Variants in CACNA1D observed in about 807,000 individuals in gnomAD.
The protein encoded by CACNA1D is voltage-dependent L-type calcium channel subunit alpha-1D.
In CACNA1D, 55 loss-of-function variants were observed where a neutral mutation model predicts 257.1. The observed-to-expected ratio is 0.21, with a 90% CI of 0.17 to 0.27. The LOEUF (loss-of-function observed/expected upper bound fraction) is 0.27. CACNA1D is among the 10% of genes least tolerant of loss of function. CACNA1D has a pLI of 1.00. For missense variants in CACNA1D, 1,876 were observed against 2,784.0 expected, an observed-to-expected ratio of 0.67 and a Z score of 7.34; for synonymous variants, 980 against 1,014.9, an observed-to-expected ratio of 0.97 and a Z score of 0.65.
intron 3 of CACNA1D, among the ~76,000 whole-genome samples, chr3:53,645,788 AGT>A (rs1455058859): frequency 1.3e-5 from 2 of 152,180 alleles, no homozygotes; most frequent in Non-Finnish European, 2.9e-5. Flanking sequence ...TTGCTGAGAA[AGT>A]GTCATTTAAG....
intron 9 of CACNA1D, among the ~76,000 whole-genome samples, chr3:53,710,650 AG>A (rs2094743635): frequency 6.6e-6 from 1 of 152,212 alleles, no homozygotes; most frequent in Non-Finnish European, 1.5e-5. Context: ...GCCCTTACCA[AG>A]ATAGCATTGC....
At chr3:53,555,038 T>C (rs1384258645) in intron 3 of CACNA1D, among the ~76,000 whole-genome samples, 1 of 152,240 alleles carries the variant, frequency 6.6e-6, no homozygotes, top group Non-Finnish European at 1.5e-5. Context: ...TTAAAGAGAA[T>C]ATAATGAAAT....
intron 3 of CACNA1D, among the ~76,000 whole-genome samples, chr3:53,542,969 T>C (rs997313256): frequency 6.6e-6 from 1 of 151,642 alleles, no homozygotes; most frequent in Non-Finnish European, 1.5e-5. Flanking sequence ...GGAGAATCGC[T>C]TGAACCCGGG....
chr3:53,706,474 T>G (rs1230317959), intron 9 of CACNA1D, among the ~76,000 whole-genome samples: 1 of 152,204 alleles, frequency 6.6e-6, no homozygotes, highest in South Asian at 2.1e-4. Context: ...GACCCCACTT[T>G]CCTTGTCTGC....
At chr3:53,740,567 G>GT (rs376943396) in intron 21 of CACNA1D, 6,135 of 362,782 alleles carry the variant, frequency 0.017, 8 homozygotes, top group Admixed American at 0.033. Flanking sequence ...TTTTTTATGG[G>GT]TTTTTTTTTT....
chr3:53,611,199 C>T (rs369121466), intron 3 of CACNA1D, among the ~76,000 whole-genome samples: 24 of 152,206 alleles, frequency 1.6e-4, no homozygotes, highest in African/African-American at 5.5e-4. Flanking sequence ...GCACAGGCAA[C>T]GTAGCAAGAC....
intron 9 of CACNA1D, among the ~76,000 whole-genome samples, chr3:53,707,561 T>A (rs1301668589): frequency 6.6e-6 from 1 of 152,228 alleles, no homozygotes; most frequent in African/African-American, 2.4e-5. Context: ...ATTAACTGAA[T>A]GGACAAAATT....
At chr3:53,694,137 G>T (rs1406135513) in intron 8 of CACNA1D, among the ~76,000 whole-genome samples, 2 of 152,210 alleles carry the variant, frequency 1.3e-5, no homozygotes, top group African/African-American at 4.8e-5. Flanking sequence ...GGGTCCAGGA[G>T]ATCAGGATGT....
At position 53,811,089 on chromosome 3, in the gene CACNA1D, C is replaced by T; in HGVS notation, c.6193-24C>T. On this transcript the variant is annotated intron_variant, in intron 47 of 47. Coordinates refer to ENST00000350061, the MANE Select transcript of CACNA1D (RefSeq NM_001128840.3). The surrounding 1 kb of genome is among the most constrained non-coding windows in gnomAD (Gnocchi z 4.2). ...GCAAAGCCTTATAACACCCCCATGC[C>T]ATCCATCCCTCTTTTCTGTACAGGT... 6.2e-7 allele frequency: 1 copy of T among 1,604,078 alleles called. No homozygotes were observed. The highest frequency in any genetic ancestry group is 8.5e-7 in the Non-Finnish European group (1 of 1,171,114).
intron 3 of CACNA1D, among the ~76,000 whole-genome samples, chr3:53,637,956 A>G (rs2093904766): frequency 6.6e-6 from 1 of 152,228 alleles, no homozygotes; most frequent in Admixed American, 6.5e-5. Context: ...TGTCTTAATT[A>G]TAGACTCCAT....
chr3:53,728,050 GTTC>G (rs2094953274), intron 15 of CACNA1D, among the ~76,000 whole-genome samples: 1 of 152,066 alleles, frequency 6.6e-6, no homozygotes, highest in Non-Finnish European at 1.5e-5. Context: ...CCCAGAGAAG[GTTC>G]TTCTACCTCT....
At chr3:53,571,989 T>C (rs2092953492) in intron 3 of CACNA1D, among the ~76,000 whole-genome samples, 2 of 152,166 alleles carry the variant, frequency 1.3e-5, no homozygotes, top group African/African-American at 4.8e-5. Context: ...ATTACCCTGG[T>C]TTTACAAATG....
chr3:53,567,464 T>C (rs1167626757), intron 3 of CACNA1D, among the ~76,000 whole-genome samples: 1 of 152,154 alleles, frequency 6.6e-6, no homozygotes, highest in East Asian at 1.9e-4. Context: ...TCTGAGTAAA[T>C]TACTGCCTTT....
rs746016693 is a variant in CACNA1D, at chr3:53,497,336, A to G, written c.252A>G (p.Lys84=). ...PPPVGSLSQR[K]RQQYAKSKKQ... is the part of the protein sequence containing the mutation. ...CTGTAGGATCTCTCTCCCAAAGAAA[A>G]CGTCAGCAATACGCCAAGAGCAAAA... The change falls in exon 2 of 48, where the codon AAA becomes AAG. Residue 84 remains lysine, a synonymous_variant. Coordinates refer to ENST00000350061, the MANE Select transcript of CACNA1D (RefSeq NM_001128840.3). 6.8e-6 allele frequency: 11 copies of G among 1,613,962 alleles called. No individual in the cohort carries two copies. The highest frequency in any genetic ancestry group is 8.5e-6 in the Non-Finnish European group (10 of 1,180,026).
At chr3:53,503,441 A>T (rs1018340989) in intron 3 of CACNA1D, among the ~76,000 whole-genome samples, 2 of 152,392 alleles carry the variant, frequency 1.3e-5, no homozygotes, top group Middle Eastern at 3.4e-3. Flanking sequence ...CCTTGTTACC[A>T]AATTTAACGA....
intron 40 of CACNA1D, among the ~76,000 whole-genome samples, chr3:53,788,698 TG>T (rs1039363991): frequency 2.0e-5 from 3 of 152,100 alleles, no homozygotes; most frequent in Non-Finnish European, 4.4e-5. Context: ...CAGTGCCCTC[TG>T]CTTGTAGGGA....
At chr3:53,684,154 G>T (rs192146283) in intron 8 of CACNA1D, among the ~76,000 whole-genome samples, 3 of 152,122 alleles carry the variant, frequency 2.0e-5, no homozygotes, top group Admixed American at 6.5e-5. Flanking sequence ...AAGGAAAAAC[G>T]ATTCTGTATG....
chr3:53,586,382 C>T (rs1262452519), intron 3 of CACNA1D, among the ~76,000 whole-genome samples: 1 of 151,436 alleles, frequency 6.6e-6, no homozygotes, highest in Non-Finnish European at 1.5e-5. Flanking sequence ...TTCTCAGCAG[C>T]CTCCTCATCT....
chr3:53,800,659 G>A lies in CACNA1D; in HGVS notation c.5040+294G>A, dbSNP rs1388115994. The A allele has an allele frequency of 4.7e-5, 24 of 505,378 alleles. No individual in the cohort carries two copies. Among genetic ancestry groups the A allele is most frequent in the South Asian group, 1.0e-4 (5 of 49,864 alleles). 31.3% of individuals were successfully genotyped at this position (505,378 alleles called of 1,614,324 possible). On this transcript the variant is annotated intron_variant, in intron 41 of 47. Transcript: ENST00000350061. This position sits in a 1 kb window ranked among gnomAD's most constrained non-coding sequence, Gnocchi z 4.3. ...GTGGATGAGCATCCTGAGTCCTTCC[G>A]GCAGCTGCCTTTGCTACCCTCCTCC...
Sources: gnomAD v4.1 joint callset for allele counts (sites outside exome capture counted in the v4.1 genomes callset) on GRCh38, gnomAD v4.1.1 for gene constraint, Gnocchi (gnomAD v3.1) non-coding constraint, MANE v1.5 for transcripts, NCBI Gene and HGNC (gene_info 2026-07-23, HGNC 2026-07-21) for gene names.